FANCD2: variants seen among roughly 807,000 people sequenced by gnomAD.
FANCD2 encodes the protein Fanconi anemia group D2 protein.
FANCD2 carries 131 observed loss-of-function variants against 192.3 expected under a neutral mutation model. The observed-to-expected ratio is 0.68, with a 90% CI of 0.59 to 0.79. The LOEUF (loss-of-function observed/expected upper bound fraction) is 0.79. Among genes scored for constraint, FANCD2 ranks in the 30% least tolerant of loss-of-function variants. The pLI is 0.00. For synonymous variants in FANCD2, 524 were observed against 612.5 expected (o/e 0.86, Z 2.13); for missense variants, 1,508 against 1,701.6 (o/e 0.89, Z 2.00).
At chr3:10,066,066 T>C (rs2087711665) in intron 25 of FANCD2, 87 bp downstream of exon 25, 1 of 844,204 alleles carries the variant, frequency 1.2e-6, no homozygotes, top group East Asian at 2.7e-5. Flanking sequence ...TCCCTAGAAG[T>C]CTTCACCAAG....
chr3:10,046,055 CTTTT>C (rs57661428), intron 14 of FANCD2, among the ~76,000 whole-genome samples: 2 of 124,414 alleles, frequency 1.6e-5, no homozygotes, highest in African/African-American at 6.6e-5. Context: ...GCTCTGTATT[CTTTT>C]TTTTTTTTTT....
chr3:10,074,174 G>C (rs1693408966), intron 28 of FANCD2, among the ~76,000 whole-genome samples: 1 of 152,128 alleles, frequency 6.6e-6, no homozygotes, highest in South Asian at 2.1e-4. Flanking sequence ...TCAAACTCCT[G>C]ACCTCGTGAT....
intron 17 of FANCD2, 138 bp from the exon 18 acceptor site, chr3:10,052,249 T>C (rs1341992192): frequency 3.0e-6 from 2 of 676,222 alleles, no homozygotes; most frequent in Non-Finnish European, 5.3e-6. Context: ...AACTTGAGCT[T>C]TGAGCTTTTA....
chr3:10,030,249 A>G (rs1471410796), intron 2 of FANCD2, among the ~76,000 whole-genome samples: 1 of 151,928 alleles, frequency 6.6e-6, no homozygotes, highest in Admixed American at 6.6e-5. Flanking sequence ...TGTACATGCC[A>G]TCATGCCTGG....
intron 26 of FANCD2, among the ~76,000 whole-genome samples, chr3:10,071,083 C>A (rs1380861569): frequency 6.9e-6 from 1 of 145,886 alleles, no homozygotes; most frequent in Non-Finnish European, 1.5e-5. Context: ...TCCTATGACC[C>A]TGCCAAATCC....
chr3:10,099,234 C>T, intron 43 of FANCD2: 2 of 1,334,014 alleles, frequency 1.5e-6, no homozygotes, highest in Non-Finnish European at 1.9e-6. Context: ...AGCACAGAGT[C>T]AGAAGCTGCC....
intron 2 of FANCD2, among the ~76,000 whole-genome samples, chr3:10,031,314 T>C (rs539551907): frequency 4.3e-4 from 65 of 152,094 alleles, no homozygotes; most frequent in South Asian, 3.1e-3. Flanking sequence ...CCATCTTGGC[T>C]AACATGGTGA....
chr3:10,054,471 ATATTTTTTTTTTTT>A (rs1191796260), intron 18 of FANCD2, among the ~76,000 whole-genome samples: 6 of 16,664 alleles, frequency 3.6e-4, no homozygotes, highest in Non-Finnish European at 5.5e-4. Context: ...ATATATATAT[ATATTTTTTTTTTTT>A]TTTTTTTTTT....
chr3:10,033,061 A>G, intron 3 of FANCD2, 89 bp downstream of exon 3: 1 of 1,118,136 alleles, frequency 8.9e-7, no homozygotes, highest in Admixed American at 1.9e-5. Context: ...GGCAATGAAG[A>G]TTAGAAATCA....
chr3:10,069,487 C>CTCTCCCG (rs1553611875), intron 26 of FANCD2, among the ~76,000 whole-genome samples: 21 of 142,878 alleles, frequency 1.5e-4, no homozygotes, highest in Admixed American at 1.3e-3. Context: ...CCCCCTCCCC[C>CTCTCCCG]TCTCCCGTCT....
intron 15 of FANCD2, among the ~76,000 whole-genome samples, chr3:10,047,068 G>T (rs74873878): frequency 6.6e-6 from 1 of 152,160 alleles, no homozygotes. Context: ...TATTCAAAGT[G>T]GAATTTTATA....
rs2125035342 is a variant in FANCD2, at chr3:10,064,832, G to A, written c.2125G>A (p.Ala709Thr). The A allele has an allele frequency of 1.2e-6, 2 of 1,613,860 alleles. No homozygotes were observed. The highest frequency in any genetic ancestry group is 1.7e-6 in the Non-Finnish European group (2 of 1,179,766). The change falls in exon 23 of 44, where the codon GCA (alanine) becomes ACA (threonine). Residue 709 changes from alanine to threonine, a missense_variant. Ala to Thr is a moderately conservative substitution (Grantham distance 58, BLOSUM62 0). This residue lies in a region of FANCD2 where 796 missense variants were observed against 879.4 expected (regional missense o/e 0.91). Coordinates refer to ENST00000675286, the MANE Select transcript of FANCD2 (RefSeq NM_001018115.3). ...LLPLLFSQDF[A>T]KDGGPVTSQE... ...GCCGCTGCTGTTTTCTCAGGACTTT[G>A]CAAAAGATGGGGGTCCGGTGACCTC...
At chr3:10,070,111 GCGA>G (rs1693116234) in intron 26 of FANCD2, among the ~76,000 whole-genome samples, 1 of 140,606 alleles carries the variant, frequency 7.1e-6, no homozygotes, top group African/African-American at 2.7e-5. Flanking sequence ...CTGCCCGGCC[GCGA>G]CCCCGTCTGG....
intron 39 of FANCD2, among the ~76,000 whole-genome samples, chr3:10,093,734 T>G (rs1488907965): frequency 6.6e-6 from 1 of 152,206 alleles, no homozygotes; most frequent in Admixed American, 6.5e-5. Context: ...ATAGCCTGTA[T>G]TAGCCCTAGA....
At chr3:10,059,405 C>T (rs2087499048) in intron 18 of FANCD2, among the ~76,000 whole-genome samples, 1 of 152,148 alleles carries the variant, frequency 6.6e-6, no homozygotes, top group East Asian at 1.9e-4. Flanking sequence ...TTTTCATATC[C>T]TTATAGAAAT....
At position 10,034,509 on chromosome 3, in the gene FANCD2, C is replaced by T. The variant is rs371915501; in HGVS notation, c.246C>T (p.Thr82=). The change falls in exon 4 of 44, where the codon ACC becomes ACT. Residue 82 remains threonine, a synonymous_variant. Coordinates refer to ENST00000675286, the MANE Select transcript of FANCD2 (RefSeq NM_001018115.3). The part of the protein sequence containing the change: ...QIAFQKKLFQ[T]LRRHPSYPKI... ...CTTTCCAAAAGAAGCTCTTTCAGACCCTGAGGAGACACCCTTCCTATCCCA... is the reference window on the plus strand; with the variant it reads ...CTTTCCAAAAGAAGCTCTTTCAGACTCTGAGGAGACACCCTTCCTATCCCA... 79 of 1,612,576 alleles carry T rather than the reference C, an allele frequency of 4.9e-5. No individual in the cohort carries two copies. The African/African-American group carries it at 8.9e-4, about 18-fold the overall frequency.
intron 26 of FANCD2, among the ~76,000 whole-genome samples, chr3:10,070,591 A>C (rs1180312677): frequency 2.1e-5 from 3 of 144,330 alleles, no homozygotes; most frequent in Admixed American, 6.9e-5. Context: ...GGAAGTGAGG[A>C]GCCCCTCTGC....
chr3:10,101,143 G>T, intron 43 of FANCD2, 45 bp from the exon 44 acceptor site: 2 of 1,410,816 alleles, frequency 1.4e-6, no homozygotes, highest in South Asian at 2.3e-5. Context: ...AGGTCACCCA[G>T]AGCAGTAACC....
chr3:10,040,141 T>C, intron 9 of FANCD2: 1 of 408,018 alleles, frequency 2.5e-6, no homozygotes, highest in Non-Finnish European at 4.5e-6. Context: ...TTCACCCCAT[T>C]CTCCTGCCTC....
Sources: gnomAD v4.1 joint callset for allele counts (sites outside exome capture counted in the v4.1 genomes callset) on GRCh38, gnomAD v4.1.1 for gene constraint, gnomAD v4.1.1 regional missense constraint, MANE v1.5 for transcripts, NCBI Gene and HGNC (gene_info 2026-07-23, HGNC 2026-07-21) for gene names.